The following SSBP2 variants were observed in gnomAD, a reference collection of about 807,000 sequenced individuals.
The protein encoded by SSBP2 is single stranded DNA binding protein 2, also known as single-stranded DNA-binding protein 2.
SSBP2 carries 17 observed loss-of-function variants against 61.8 expected under a neutral mutation model. The ratio of observed to expected loss-of-function variants is 0.28; its 90% CI spans 0.19 to 0.41. The LOEUF is 0.41. SSBP2 is among the 10% of genes least tolerant of loss of function. The pLI, the probability that SSBP2 is intolerant of heterozygous loss-of-function variation, is 1.00. For missense variants in SSBP2, 310 were observed against 458.7 expected (o/e 0.68, Z 2.96); for synonymous variants, 139 against 141.3 (o/e 0.98, Z 0.12).
At chr5:81,677,773 G>A (rs1460914970) in intron 1 of SSBP2, among the ~76,000 whole-genome samples, 1 of 151,244 alleles carries the variant, frequency 6.6e-6, no homozygotes, top group Non-Finnish European at 1.5e-5. Context: ...ACTGACCTGA[G>A]GAAAAGGACA....
chr5:81,605,362 G>A (rs1360492771), intron 4 of SSBP2, among the ~76,000 whole-genome samples: 1 of 151,722 alleles, frequency 6.6e-6, no homozygotes, highest in Non-Finnish European at 1.5e-5. Context: ...AAATTAAAAG[G>A]GCTACACAGG....
At chr5:81,710,724 G>C (rs1197723596) in intron 1 of SSBP2, 1 of 454,384 alleles carries the variant, frequency 2.2e-6, no homozygotes, top group Admixed American at 2.4e-5. Flanking sequence ...GGGATCACAA[G>C]CATCACCCTT....
At chr5:81,737,586 T>C (rs1041070682) in intron 1 of SSBP2, among the ~76,000 whole-genome samples, 2 of 151,072 alleles carry the variant, frequency 1.3e-5, no homozygotes, top group Non-Finnish European at 2.9e-5. Flanking sequence ...ACTGAGACCA[T>C]ACTGGCTAAC....
chr5:81,719,587 T>G (rs1755408659), intron 1 of SSBP2, among the ~76,000 whole-genome samples: 1 of 152,092 alleles, frequency 6.6e-6, no homozygotes, highest in South Asian at 2.1e-4. Context: ...GTACCCAGGT[T>G]TTGTTTTCTT....
intron 4 of SSBP2, among the ~76,000 whole-genome samples, chr5:81,570,436 T>C (rs1165937804): frequency 6.6e-6 from 1 of 152,136 alleles, no homozygotes; most frequent in East Asian, 1.9e-4. Flanking sequence ...TCCACTTAAT[T>C]CAGAGGAAAG....
intron 4 of SSBP2, among the ~76,000 whole-genome samples, chr5:81,588,638 GCA>G (rs1392791505): frequency 6.6e-6 from 1 of 152,050 alleles, no homozygotes; most frequent in African/African-American, 2.4e-5. Context: ...TGAATGTTAA[GCA>G]CACACTGTGT....
chr5:81,535,264 TGAAA>T (rs1770720956), intron 4 of SSBP2, among the ~76,000 whole-genome samples: 1 of 152,176 alleles, frequency 6.6e-6, no homozygotes, highest in Middle Eastern at 3.4e-3. Flanking sequence ...AATGCTGATG[TGAAA>T]GAAATCAAAG....
intron 1 of SSBP2, among the ~76,000 whole-genome samples, chr5:81,682,885 T>C (rs1228561309): frequency 6.6e-6 from 1 of 152,040 alleles, no homozygotes; most frequent in Non-Finnish European, 1.5e-5. Context: ...CAAGTGGAAT[T>C]TAAAATTAAA....
At chr5:81,604,533 G>A (rs898388477) in intron 4 of SSBP2, among the ~76,000 whole-genome samples, 28 of 152,020 alleles carry the variant, frequency 1.8e-4, no homozygotes, top group African/African-American at 6.8e-4. Context: ...CTAGTAGGGA[G>A]CAAGTTCCAA....
rs143834522 is a variant in SSBP2 at position 81,420,277 on chromosome 5, C to T, written c.*227G>A. The T allele has an allele frequency of 8.3e-3, 4,730 of 567,034 alleles. 26 individuals are homozygous for T. Among genetic ancestry groups the T allele is most frequent in the Non-Finnish European group, 0.012 (3,667 of 317,368 alleles). 35.1% of individuals were successfully genotyped at this position (567,034 alleles called of 1,614,324 possible). ...ATATACATACACACATAATTATTTG[C>T]AGTTCAGTTTAGGGCAATTCTAATA... On this transcript the variant is annotated 3_prime_UTR_variant, in exon 17 of 17. Transcript: ENST00000320672.
chr5:81,450,147 T>C (rs1580715009), intron 10 of SSBP2, among the ~76,000 whole-genome samples: 1 of 152,070 alleles, frequency 6.6e-6, no homozygotes, highest in South Asian at 2.1e-4. Context: ...CCTCCTACCT[T>C]GGCCCCACAA....
chr5:81,579,416 T>C (rs1272403568), intron 4 of SSBP2, among the ~76,000 whole-genome samples: 5 of 152,112 alleles, frequency 3.3e-5, no homozygotes, highest in Admixed American at 2.6e-4. Context: ...AAGTGAATTA[T>C]GAGGGCAAAA....
At chr5:81,687,531 T>C (rs1178840343) in intron 1 of SSBP2, among the ~76,000 whole-genome samples, 1 of 152,182 alleles carries the variant, frequency 6.6e-6, no homozygotes, top group Non-Finnish European at 1.5e-5. Flanking sequence ...AAGGGAGTAC[T>C]TGTACCACTC....
At chr5:81,473,633 C>T (rs1765397210) in intron 8 of SSBP2, 67 bp downstream of exon 8, 2 of 1,354,974 alleles carry the variant, frequency 1.5e-6, no homozygotes, top group Admixed American at 3.4e-5. Context: ...TTTACCCAGT[C>T]TATCATTGAT....
chr5:81,468,156 T>TTTCCACACAATA (rs1765016902), intron 8 of SSBP2, among the ~76,000 whole-genome samples: 1 of 151,998 alleles, frequency 6.6e-6, no homozygotes, highest in South Asian at 2.1e-4. Flanking sequence ...GTGCTATCAC[T>TTTCCACACAATA]TTCCACACAA....
chr5:81,527,261 A>T (rs1770017486), intron 4 of SSBP2, among the ~76,000 whole-genome samples: 1 of 152,062 alleles, frequency 6.6e-6, no homozygotes, highest in African/African-American at 2.4e-5. Flanking sequence ...GAAATAGACA[A>T]GAGATAAAGC....
rs1335000142 is a variant in SSBP2 at position 81,415,938 on chromosome 5, C to T, written c.*4566G>A. On this transcript the variant is annotated 3_prime_UTR_variant, in exon 17 of 17. Transcript: ENST00000320672. The stretch of plus-strand genomic sequence containing the variant: ...AAAAAAAAAAAAAAAAAGAGGAAAA[C>T]CTGATCAAGCATAGTGGCTCATGCC... 7 of 74,206 alleles carry T rather than the reference C, an allele frequency of 9.4e-5. No homozygotes were observed. The highest frequency in any genetic ancestry group is 7.4e-4 in the African/African-American group (7 of 9,416). 4.6% of individuals were successfully genotyped at this position (74,206 alleles called of 1,614,324 possible).
intron 6 of SSBP2, among the ~76,000 whole-genome samples, chr5:81,478,134 T>C: frequency 6.6e-6 from 1 of 152,108 alleles, no homozygotes; most frequent in Non-Finnish European, 1.5e-5. Context: ...AATTGTGAAC[T>C]TAAAGTTCTT....
chr5:81,744,231 C>CA (rs1757213211), intron 1 of SSBP2, among the ~76,000 whole-genome samples: 1 of 152,062 alleles, frequency 6.6e-6, no homozygotes, highest in African/African-American at 2.4e-5. Flanking sequence ...TGTTATTTTA[C>CA]AAAAAATATT....
Sources: gnomAD v4.1 joint callset for allele counts (sites outside exome capture counted in the v4.1 genomes callset) on GRCh38, gnomAD v4.1.1 for gene constraint, MANE v1.5 for transcripts, NCBI Gene and HGNC (gene_info 2026-07-23, HGNC 2026-07-21) for gene names.